The following CEPT1 variants were observed in gnomAD, a reference collection of about 807,000 sequenced individuals.
CEPT1 encodes choline/ethanolaminephosphotransferase 1.
A neutral mutation model predicts 42.6 loss-of-function variants in CEPT1; 7 were observed. The observed-to-expected ratio is 0.16, with a 90% CI of 0.09 to 0.31. The LOEUF (loss-of-function observed/expected upper bound fraction) is 0.31, where lower values mean the gene tolerates loss of function less well. Ranked by LOEUF, CEPT1 falls within the 10% of genes least tolerant of loss-of-function variation. CEPT1 has a pLI of 1.00. For missense variants in CEPT1, 306 were observed against 502.1 expected, an observed-to-expected ratio of 0.61 and a Z score of 3.73; for synonymous variants, 171 against 171.9, an observed-to-expected ratio of 0.99 and a Z score of 0.04.
intron 4 of CEPT1, among the ~76,000 whole-genome samples, chr1:111,172,220 C>T (rs1656454204): frequency 6.6e-6 from 1 of 152,030 alleles, no homozygotes; most frequent in South Asian, 2.1e-4. Flanking sequence ...TTTGGGTCCT[C>T]TTTGACCACA....
At chr1:111,172,432 A>G (rs1342517167) in intron 4 of CEPT1, among the ~76,000 whole-genome samples, 1 of 152,178 alleles carries the variant, frequency 6.6e-6, no homozygotes, top group Non-Finnish European at 1.5e-5. Context: ...CCCTGCCCTT[A>G]TATAATATTC....
chr1:111,162,874 T>A (rs1012633920), intron 4 of CEPT1, among the ~76,000 whole-genome samples: 1 of 152,146 alleles, frequency 6.6e-6, no homozygotes, highest in Non-Finnish European at 1.5e-5. Flanking sequence ...TCGTTACTTA[T>A]AAAATGTGTG....
At position 111,147,721 on chromosome 1, in the gene CEPT1, G is replaced by A. The variant is rs755034598; in HGVS notation, c.7G>A (p.Gly3Arg). The A allele has an allele frequency of 6.2e-7, 1 of 1,604,760 alleles. No individual in the cohort carries two copies. Among genetic ancestry groups the A allele is most frequent in the Non-Finnish European group, 8.5e-7 (1 of 1,173,816 alleles). Residue 3 changes from glycine (G) to arginine (R), a missense_variant, in exon 2 of 9, where the codon GGG (glycine) becomes AGG (arginine). By Grantham distance (125) the Gly-to-Arg change is moderately radical (BLOSUM62 -2). Around this residue, in one of 2 missense-constraint regions of CEPT1, gnomAD observed 53 missense variants for 54.8 expected, o/e 0.97. Transcript: ENST00000357172. MS[G>R]HRSTRKRCGD... ...TTAAAAAAAAACAAGATCCATGAGTGGGCATCGATCAACAAGGAAAAGATG... is the reference window on the plus strand; with the variant it reads ...TTAAAAAAAAACAAGATCCATGAGTAGGCATCGATCAACAAGGAAAAGATG...
intron 1 of CEPT1, among the ~76,000 whole-genome samples, chr1:111,141,223 G>A (rs1226105031): frequency 6.6e-6 from 1 of 152,122 alleles, no homozygotes; most frequent in Non-Finnish European, 1.5e-5. Context: ...TGAGTTGAAC[G>A]ACTTATAACA....
intron 2 of CEPT1, among the ~76,000 whole-genome samples, chr1:111,149,226 G>A (rs956447304): frequency 6.9e-6 from 1 of 145,980 alleles, no homozygotes; most frequent in Non-Finnish European, 1.5e-5. Flanking sequence ...TGCAAATACA[G>A]TCCATACAGA....
chr1:111,170,496 A>G (rs1557936845), intron 4 of CEPT1, among the ~76,000 whole-genome samples: 2 of 152,202 alleles, frequency 1.3e-5, no homozygotes, highest in African/African-American at 2.4e-5. Context: ...TCTCAGTTGT[A>G]TGGTTAATGT....
intron 1 of CEPT1, among the ~76,000 whole-genome samples, chr1:111,145,146 G>A (rs1045043921): frequency 2.4e-4 from 37 of 152,028 alleles, no homozygotes; most frequent in Non-Finnish European, 4.6e-4. Flanking sequence ...CTCCTCAGTA[G>A]CTGGGATTAC....
intron 4 of CEPT1, among the ~76,000 whole-genome samples, chr1:111,166,402 C>G (rs1272394335): frequency 6.6e-6 from 1 of 152,088 alleles, no homozygotes; most frequent in African/African-American, 2.4e-5. Flanking sequence ...ACTTTTATCA[C>G]TAGTAAACTA....
intron 2 of CEPT1, among the ~76,000 whole-genome samples, chr1:111,149,399 A>C (rs558003722): frequency 6.6e-6 from 1 of 151,862 alleles, no homozygotes; most frequent in South Asian, 2.1e-4. Context: ...AGTAACTGGG[A>C]TTACAGGCCC....
intron 4 of CEPT1, among the ~76,000 whole-genome samples, chr1:111,172,077 G>T (rs190261644): frequency 1.6e-3 from 246 of 152,306 alleles, no homozygotes; most frequent in Non-Finnish European, 2.6e-3. Flanking sequence ...AGATGTTCAT[G>T]TACCTTCATA....
At chr1:111,139,516 T>A, upstream of CEPT1, 1 of 152,322 alleles carries the variant, frequency 6.6e-6, no homozygotes. Context: ...GAACGTGTAC[T>A]CAACAGGAAC....
At chr1:111,153,270 C>T (rs1416302199) in intron 2 of CEPT1, among the ~76,000 whole-genome samples, 1 of 152,100 alleles carries the variant, frequency 6.6e-6, no homozygotes, top group Non-Finnish European at 1.5e-5. Flanking sequence ...ATGATGTCTT[C>T]CAGGCTCAGC....
chr1:111,171,366 T>G (rs17027007), intron 4 of CEPT1, among the ~76,000 whole-genome samples: 2,303 of 152,324 alleles, frequency 0.015, 59 homozygotes, highest in African/African-American at 0.051. Context: ...AGATAGTCAC[T>G]CCAACTAAAG....
chr1:111,141,759 A>G (rs1327304899), intron 1 of CEPT1, among the ~76,000 whole-genome samples: 1 of 152,140 alleles, frequency 6.6e-6, no homozygotes, highest in African/African-American at 2.4e-5. Context: ...TGCTCTATGT[A>G]TCACTTGTTA....
At chr1:111,164,924 ATTAGG>A (rs919481130) in intron 4 of CEPT1, among the ~76,000 whole-genome samples, 3 of 151,574 alleles carry the variant, frequency 2.0e-5, no homozygotes, top group Non-Finnish European at 4.4e-5. Flanking sequence ...CCCGGCCTAT[ATTAGG>A]TTATTTTTAA....
intron 2 of CEPT1, among the ~76,000 whole-genome samples, chr1:111,148,640 A>G (rs915915706): frequency 1.3e-5 from 2 of 152,192 alleles, no homozygotes; most frequent in African/African-American, 4.8e-5. Context: ...GATGCATGCT[A>G]TTGCTTACAA....
At chr1:111,154,234 A>G (rs148583627) in intron 2 of CEPT1, among the ~76,000 whole-genome samples, 3,734 of 116,528 alleles carry the variant, frequency 0.032, 161 homozygotes, top group African/African-American at 0.12. Flanking sequence ...ATTTTATTTT[A>G]TTTTATTTTA....
intron 1 of CEPT1, among the ~76,000 whole-genome samples, chr1:111,144,301 A>G (rs1654832951): frequency 6.6e-6 from 1 of 152,228 alleles, no homozygotes; most frequent in Admixed American, 6.5e-5. Flanking sequence ...ATCTATATGA[A>G]TGTGTTGAAA....
intron 5 of CEPT1, among the ~76,000 whole-genome samples, chr1:111,175,225 A>G (rs935630145): frequency 1.6e-4 from 25 of 152,160 alleles, no homozygotes; most frequent in Non-Finnish European, 2.9e-4. Context: ...AGATGAGGAA[A>G]CAGCAGACAG....
Sources: gnomAD v4.1 joint callset for allele counts (sites outside exome capture counted in the v4.1 genomes callset) on GRCh38, gnomAD v4.1.1 for gene constraint, gnomAD v4.1.1 regional missense constraint, MANE v1.5 for transcripts, NCBI Gene and HGNC (gene_info 2026-07-23, HGNC 2026-07-21) for gene names.